Variants in MLLT10 observed in about 807,000 individuals in gnomAD.
MLLT10 encodes MLLT10 histone lysine methyltransferase DOT1L cofactor, also known as protein AF-10.
MLLT10 carries 30 observed loss-of-function variants against 129.1 expected under a neutral mutation model. The observed-to-expected ratio is 0.23, with a 90% confidence interval of 0.17 to 0.32. MLLT10 has a LOEUF of 0.32. Ranked by LOEUF, MLLT10 falls within the 10% of genes least tolerant of loss-of-function variation. The pLI is 1.00. For synonymous variants in MLLT10, 490 were observed against 446.4 expected (o/e 1.10, Z -1.23); for missense variants, 1,119 against 1,268.3 (o/e 0.88, Z 1.79).
intron 3 of MLLT10, among the ~76,000 whole-genome samples, chr10:21,577,297 G>A (rs2131057737): frequency 6.6e-6 from 1 of 152,054 alleles, no homozygotes; most frequent in Admixed American, 6.6e-5. Context: ...ATATACTTTT[G>A]CAATGTTATG....
chr10:21,560,322 C>T (rs116230869), intron 3 of MLLT10, among the ~76,000 whole-genome samples: 1,538 of 152,240 alleles, frequency 0.01, 20 homozygotes, highest in African/African-American at 0.031. Flanking sequence ...GAGGAACTGC[C>T]AAAATGTTTT....
chr10:21,594,413 G>C (rs2042819223), intron 4 of MLLT10, among the ~76,000 whole-genome samples: 1 of 151,930 alleles, frequency 6.6e-6, no homozygotes, highest in Admixed American at 6.6e-5. Flanking sequence ...GCCGGGTGTG[G>C]TGGTGCATGC....
rs894298638 is a variant in MLLT10, at chr10:21,584,830, G to A, written c.241-1464G>A. Reference sequence around the variant, plus strand: ...TGTTTATATACACATACATATGTATGTATACATACACACATATATATACGT... The same window carrying A: ...TGTTTATATACACATACATATGTATATATACATACACACATATATATACGT... On this transcript the variant is annotated intron_variant, in intron 3 of 22. Coordinates refer to ENST00000307729, the MANE Select transcript of MLLT10 (RefSeq NM_001195626.3). 4.6e-4 allele frequency among the ~76,000 whole-genome samples: 70 copies of A among 151,310 alleles called. 1 individual carries two copies. Among genetic ancestry groups the A allele is most frequent in the African/African-American group, 1.6e-3 (65 of 41,240 alleles).
chr10:21,569,824 C>A (rs559168909), intron 3 of MLLT10, among the ~76,000 whole-genome samples: 1 of 152,150 alleles, frequency 6.6e-6, no homozygotes, highest in South Asian at 2.1e-4. Flanking sequence ...CTCACTATGG[C>A]CTTGACCTCC....
intron 14 of MLLT10, among the ~76,000 whole-genome samples, chr10:21,718,453 C>T (rs1307185851): frequency 6.6e-6 from 1 of 152,020 alleles, no homozygotes. Flanking sequence ...TGGGAGAATG[C>T]AGGTGCTTTT....
intron 4 of MLLT10, 83 bp downstream of exon 4, chr10:21,586,431 T>G: frequency 9.5e-7 from 1 of 1,056,060 alleles, no homozygotes; most frequent in Non-Finnish European, 1.4e-6. Context: ...GTTTATTTTA[T>G]TTTATCAAAT....
intron 5 of MLLT10, among the ~76,000 whole-genome samples, chr10:21,602,976 C>T (rs1021362471): frequency 1.3e-4 from 19 of 151,998 alleles, no homozygotes; most frequent in Non-Finnish European, 2.2e-4. Flanking sequence ...TGGTGATCCA[C>T]CTGCCTCGGC....
intron 16 of MLLT10, among the ~76,000 whole-genome samples, chr10:21,728,724 C>T (rs1272968556): frequency 6.6e-6 from 1 of 152,070 alleles, no homozygotes; most frequent in South Asian, 2.1e-4. Context: ...ATGGGAGAAA[C>T]GTGATTAAAA....
intron 5 of MLLT10, among the ~76,000 whole-genome samples, chr10:21,611,162 ATTT>A (rs754596411): frequency 8.7e-6 from 1 of 115,508 alleles, no homozygotes; most frequent in Admixed American, 8.6e-5. Context: ...ATGCCCGGCT[ATTT>A]TTTTTTTTTT....
At chr10:21,625,592 T>G in intron 8 of MLLT10, 2 of 758,824 alleles carry the variant, frequency 2.6e-6, no homozygotes. Context: ...TTTCTTCTTT[T>G]TGTCATCAGG....
At position 21,534,427 on chromosome 10, in the gene MLLT10, C is replaced by T. The variant is rs1232005404; in HGVS notation, c.-94C>T. The T allele has an allele frequency of 5.8e-6, 2 of 344,668 alleles. No individual in the cohort carries two copies. The highest frequency in any genetic ancestry group is 2.3e-5 in the African/African-American group (1 of 44,396). 21.4% of individuals were successfully genotyped at this position (344,668 alleles called of 1,614,324 possible). ...GAAGACGCTGAGGAGGAGGAGGAGG[C>T]GGAGGAGGCGGTGGAGGGGAGGTGG... On this transcript the variant is annotated 5_prime_UTR_variant, in exon 1 of 23. Coordinates refer to ENST00000307729, the MANE Select transcript of MLLT10 (RefSeq NM_001195626.3).
At chr10:21,604,893 C>T (rs1350716961) in intron 5 of MLLT10, among the ~76,000 whole-genome samples, 2 of 150,974 alleles carry the variant, frequency 1.3e-5, no homozygotes, top group Admixed American at 6.6e-5. Context: ...TGCTTAGTTC[C>T]TATTTTTTGT....
intron 10 of MLLT10, chr10:21,671,088 G>A (rs773454884): frequency 6.0e-6 from 1 of 167,812 alleles, no homozygotes; most frequent in South Asian, 1.5e-4. Context: ...TGCAGTGGCC[G>A]GCTCACTGCA....
chr10:21,556,911 T>C, intron 3 of MLLT10: 1 of 1,550,352 alleles, frequency 6.5e-7, no homozygotes, highest in Non-Finnish European at 8.7e-7. Context: ...ATCTCAGTTG[T>C]CATTTGGCGT....
intron 9 of MLLT10, among the ~76,000 whole-genome samples, chr10:21,657,217 C>A (rs957302706): frequency 1.3e-5 from 2 of 151,834 alleles, no homozygotes; most frequent in African/African-American, 2.4e-5. Context: ...CATGGTGAAA[C>A]CCTGTCTCTA....
intron 13 of MLLT10, among the ~76,000 whole-genome samples, chr10:21,706,163 A>G (rs1276194289): frequency 1.3e-5 from 2 of 152,240 alleles, no homozygotes; most frequent in African/African-American, 4.8e-5. Flanking sequence ...AGAGACAAAT[A>G]CAAAATGCCT....
intron 3 of MLLT10, among the ~76,000 whole-genome samples, chr10:21,581,080 C>G (rs1457900747): frequency 1.4e-5 from 2 of 141,660 alleles, no homozygotes; most frequent in African/African-American, 5.2e-5. Flanking sequence ...GAGTCTTGCT[C>G]TGTAGCCCAG....
intron 9 of MLLT10, among the ~76,000 whole-genome samples, chr10:21,658,695 C>T (rs572846023): frequency 5.8e-4 from 89 of 152,268 alleles, no homozygotes; most frequent in Non-Finnish European, 1.2e-3. Flanking sequence ...GACGGAGTCT[C>T]GCTCTGTCGC....
At chr10:21,612,891 C>A (rs1320015896) in intron 6 of MLLT10, among the ~76,000 whole-genome samples, 8 of 152,078 alleles carry the variant, frequency 5.3e-5, no homozygotes, top group African/African-American at 1.9e-4. Context: ...TTCACAAAAA[C>A]TTATTTAAGA....
Sources: allele counts gnomAD v4.1 joint callset (sites outside exome capture counted in the v4.1 genomes callset), GRCh38; gene constraint gnomAD v4.1.1; transcripts MANE v1.5; gene names NCBI Gene and HGNC (gene_info 2026-07-23, HGNC 2026-07-21).